Variants in SOX5 observed in about 807,000 individuals in gnomAD.
The protein encoded by SOX5 is SRY-box transcription factor 5.
Under a neutral mutation model 92.0 loss-of-function variants are expected in SOX5, and 9 were observed. The observed-to-expected ratio is 0.10, with a 90% CI of 0.06 to 0.17. The LOEUF (loss-of-function observed/expected upper bound fraction) is 0.17, where lower values mean the gene tolerates loss of function less well. Ranked by LOEUF, SOX5 falls within the 10% of genes least tolerant of loss-of-function variation. SOX5 has a pLI of 1.00. For missense variants in SOX5, 642 were observed against 944.5 expected, an observed-to-expected ratio of 0.68 and a Z score of 4.20; for synonymous variants, 344 against 336.3, an observed-to-expected ratio of 1.02 and a Z score of -0.25.
chr12:24,340,611 C>T (rs1382811028), intron 2 of SOX5, among the ~76,000 whole-genome samples: 2 of 152,194 alleles, frequency 1.3e-5, no homozygotes, highest in African/African-American at 4.8e-5. Context: ...GATTTGAGCA[C>T]ATCCTTTCTG....
intron 2 of SOX5, among the ~76,000 whole-genome samples, chr12:24,324,275 A>G (rs1288471258): frequency 6.6e-6 from 1 of 151,348 alleles, no homozygotes; most frequent in African/African-American, 2.4e-5. Context: ...TTTCTGGGTG[A>G]AAAAAAAATC....
chr12:23,862,695 T>C (rs1416341889), intron 2 of SOX5, among the ~76,000 whole-genome samples: 1 of 152,218 alleles, frequency 6.6e-6, no homozygotes, highest in East Asian at 1.9e-4. Flanking sequence ...TCTTTCAATC[T>C]GACAAAAATA....
At chr12:23,840,557 G>A (rs1323246625) in intron 3 of SOX5, among the ~76,000 whole-genome samples, 1 of 152,050 alleles carries the variant, frequency 6.6e-6, no homozygotes, top group African/African-American at 2.4e-5. Flanking sequence ...AAGTTGGAGG[G>A]CTGACACTAC....
intron 1 of SOX5, among the ~76,000 whole-genome samples, chr12:23,948,971 C>G (rs1945079885): frequency 6.6e-6 from 1 of 152,084 alleles, no homozygotes; most frequent in Non-Finnish European, 1.5e-5. Flanking sequence ...CCCCTTTTCG[C>G]CCCTATTTTT....
intron 4 of SOX5, among the ~76,000 whole-genome samples, chr12:24,203,781 G>A (rs1005020020): frequency 2.1e-4 from 32 of 152,200 alleles, no homozygotes; most frequent in African/African-American, 7.5e-4. Context: ...AAATTTTAGA[G>A]TATAAACGCC....
chr12:24,534,080 A>G (rs550927361), intron 1 of SOX5, among the ~76,000 whole-genome samples: 1 of 152,294 alleles, frequency 6.6e-6, no homozygotes, highest in Admixed American at 6.5e-5. Flanking sequence ...AACAACACAA[A>G]TATACTCTCA....
At chr12:23,570,651 C>T (rs1040163780) in intron 10 of SOX5, among the ~76,000 whole-genome samples, 1 of 151,642 alleles carries the variant, frequency 6.6e-6, no homozygotes, top group Admixed American at 6.6e-5. Context: ...TGGCTCACAC[C>T]TGTAATCCCA....
intron 2 of SOX5, among the ~76,000 whole-genome samples, chr12:23,882,907 C>G (rs1284189078): frequency 6.6e-6 from 1 of 152,002 alleles, no homozygotes; most frequent in Non-Finnish European, 1.5e-5. Flanking sequence ...ATAGGGCGGG[C>G]GTGGTGGCTC....
intron 4 of SOX5, among the ~76,000 whole-genome samples, chr12:23,746,332 AC>A (rs1288443932): frequency 6.6e-6 from 1 of 152,124 alleles, no homozygotes; most frequent in African/African-American, 2.4e-5. Flanking sequence ...CTCTTTATTC[AC>A]CTAGATTCAG....
chr12:24,113,771 C>T (rs144351060), intron 4 of SOX5, among the ~76,000 whole-genome samples: 39 of 152,214 alleles, frequency 2.6e-4, no homozygotes, highest in African/African-American at 8.2e-4. Context: ...GCGGCTAAAA[C>T]GGAAAAAGCA....
At chr12:24,242,644 A>G (rs917886120) in intron 3 of SOX5, among the ~76,000 whole-genome samples, 3 of 150,698 alleles carry the variant, frequency 2.0e-5, no homozygotes, top group African/African-American at 7.4e-5. Flanking sequence ...CTCCAATAAG[A>G]TATCACTTTT....
chr12:24,553,615 G>A (rs1414901400), intron 1 of SOX5, among the ~76,000 whole-genome samples: 1 of 152,192 alleles, frequency 6.6e-6, no homozygotes, highest in South Asian at 2.1e-4. Context: ...TCACCCTATG[G>A]TTACCCATTT....
chr12:23,841,956 T>A (rs1279668850), intron 3 of SOX5, among the ~76,000 whole-genome samples: 1 of 118,600 alleles, frequency 8.4e-6, no homozygotes, highest in Non-Finnish European at 1.7e-5. Context: ...ACATAATAAG[T>A]GAGCCTTAAC....
chr12:24,503,469 G>A lies in SOX5; in HGVS notation c.-251+58860C>T, dbSNP rs141933003. The stretch of plus-strand genomic sequence containing the variant: ...GGCTGAAAAATCTCACTGTAGAACC[G>A]CCATAGTCTAAATGAACAATTATCA... On this transcript the variant is annotated intron_variant, in intron 1 of 4. Coordinates refer to the SOX5 transcript ENST00000446891. Among the ~76,000 whole-genome samples the A allele has an allele frequency of 3.2e-3, 485 of 152,234 alleles. 5 individuals carry two copies. Among genetic ancestry groups the A allele is most frequent in the African/African-American group, 0.011 (462 of 41,538 alleles).
At chr12:24,186,277 T>C (rs1956005615) in intron 4 of SOX5, among the ~76,000 whole-genome samples, 1 of 152,070 alleles carries the variant, frequency 6.6e-6, no homozygotes, top group Admixed American at 6.6e-5. Context: ...AATGGTTAAG[T>C]CATAAAGGTA....
At chr12:24,130,625 C>A (rs1345196442) in intron 4 of SOX5, among the ~76,000 whole-genome samples, 2 of 152,094 alleles carry the variant, frequency 1.3e-5, no homozygotes, top group African/African-American at 4.8e-5. Flanking sequence ...ACATAGAAGA[C>A]AAAGAGAAGA....
At chr12:24,324,342 T>C (rs189751344) in intron 2 of SOX5, among the ~76,000 whole-genome samples, 130 of 152,224 alleles carry the variant, frequency 8.5e-4, no homozygotes, top group South Asian at 1.5e-3. Flanking sequence ...AATGGATACA[T>C]ATATTAAACT....
intron 2 of SOX5, among the ~76,000 whole-genome samples, chr12:24,294,158 T>C (rs1254467141): frequency 6.6e-6 from 1 of 152,184 alleles, no homozygotes; most frequent in Non-Finnish European, 1.5e-5. Flanking sequence ...TATCCATCTG[T>C]TCGCCTTCAT....
chr12:24,033,661 G>T (rs1753416172), intron 4 of SOX5, among the ~76,000 whole-genome samples: 1 of 151,994 alleles, frequency 6.6e-6, no homozygotes, highest in Admixed American at 6.6e-5. Flanking sequence ...AGAAACAGTA[G>T]AAATCTTTGT....
Sources: gnomAD v4.1 joint callset for allele counts (sites outside exome capture counted in the v4.1 genomes callset) on GRCh38, gnomAD v4.1.1 for gene constraint, MANE v1.5 for transcripts, NCBI Gene and HGNC (gene_info 2026-07-23, HGNC 2026-07-21) for gene names.